The following LRBA variants were observed in gnomAD, a reference collection of about 807,000 sequenced individuals.
LRBA encodes the protein LPS responsive beige-like anchor protein.
LRBA carries 176 observed loss-of-function variants against 330.0 expected under a neutral mutation model. That is an observed-to-expected ratio of 0.53 (90% CI 0.47 to 0.60). LRBA has a LOEUF of 0.60. Among genes scored for constraint, LRBA ranks in the 20% least tolerant of loss-of-function variants. LRBA has a pLI of 0.00. For synonymous variants in LRBA, 1,230 were observed against 1,193.0 expected, an observed-to-expected ratio of 1.03 and a Z score of -0.64; for missense variants, 3,259 against 3,444.8, an observed-to-expected ratio of 0.95 and a Z score of 1.35.
chr4:150,829,290 G>A (rs1375912785), intron 29 of LRBA, among the ~76,000 whole-genome samples: 1 of 152,210 alleles, frequency 6.6e-6, no homozygotes, highest in Admixed American at 6.5e-5. Flanking sequence ...CATGGTTACT[G>A]CAGCTGGAAA....
chr4:150,965,803 C>CA (rs1204496896), intron 2 of LRBA, among the ~76,000 whole-genome samples: 1 of 151,732 alleles, frequency 6.6e-6, no homozygotes, highest in Non-Finnish European at 1.5e-5. Context: ...CTCGGCCTTG[C>CA]AAAGTGTTGA....
intron 34 of LRBA, among the ~76,000 whole-genome samples, chr4:150,773,991 T>C (rs959624524): frequency 6.6e-6 from 1 of 152,178 alleles, no homozygotes; most frequent in African/African-American, 2.4e-5. Context: ...CACAGGTCCC[T>C]TTGAAGAAGA....
At chr4:150,774,097 T>C (rs1052066743) in intron 34 of LRBA, among the ~76,000 whole-genome samples, 7 of 152,298 alleles carry the variant, frequency 4.6e-5, no homozygotes, top group African/African-American at 1.7e-4. Flanking sequence ...AGAAAAAGAC[T>C]CCATTTTATA....
Position 150,921,269 on chromosome 4 carries a change from A to G in LRBA, c.574T>C (p.Ser192Pro). Residue 192 changes from serine to proline, a missense_variant, in exon 5 of 57, where the codon TCT becomes CCT. Physicochemically the swap from Ser to Pro is moderately conservative, Grantham distance 74. Transcript: ENST00000651943. The stretch of plus-strand genomic sequence containing the variant: ...TTCTGAGGCATATGCTTTAACACAG[A>G]CAGCAACTTCCCAGCATGTGGAGGC... ...RWPPHAGKLL[S>P]VLKHMPQKYG... The G allele has an allele frequency of 6.2e-7, 1 of 1,612,102 alleles. No individual in the cohort carries two copies. The highest frequency in any genetic ancestry group is 8.5e-7 in the Non-Finnish European group (1 of 1,178,186).
chr4:150,810,622 GA>G (rs1743584002), intron 31 of LRBA, among the ~76,000 whole-genome samples: 1 of 152,070 alleles, frequency 6.6e-6, no homozygotes, highest in Admixed American at 6.6e-5. Flanking sequence ...CTTTTTTTGA[GA>G]GAGGGTCTTG....
intron 30 of LRBA, among the ~76,000 whole-genome samples, chr4:150,823,775 GATTT>G (rs1223798110): frequency 6.6e-6 from 1 of 151,958 alleles, no homozygotes; most frequent in South Asian, 2.1e-4. Flanking sequence ...TAGACGTGTG[GATTT>G]ATTTGAGTTC....
chr4:150,852,419 C>A lies in LRBA; in HGVS notation c.3291G>T (p.Leu1097Phe). ...EEDASEMPEF[L>F]DKSIVEEEED... is the part of the protein sequence containing the mutation. ...CCTCTTCCTCTACTATAGATTTATC[C>A]AAGAATTCTGGCATCTCTGAGGCAT... The change falls in exon 23 of 57, where the codon TTG becomes TTT. Residue 1097 changes from leucine to phenylalanine, a missense_variant. Physicochemically the swap from Leu to Phe is conservative, Grantham distance 22 (BLOSUM62 0). Transcript: ENST00000651943. 1 of 1,613,480 alleles carries A rather than the reference C, an allele frequency of 6.2e-7. No homozygotes were observed. Among genetic ancestry groups the A allele is most frequent in the Non-Finnish European group, 8.5e-7 (1 of 1,179,986 alleles).
chr4:150,845,620 G>T (rs1278692335), intron 26 of LRBA, among the ~76,000 whole-genome samples: 1 of 152,048 alleles, frequency 6.6e-6, no homozygotes, highest in African/African-American at 2.4e-5. Flanking sequence ...CAAACTTAAG[G>T]GGGGACTTCA....
intron 47 of LRBA, among the ~76,000 whole-genome samples, chr4:150,392,225 C>A (rs1321855518): frequency 2.0e-5 from 3 of 152,062 alleles, no homozygotes; most frequent in Non-Finnish European, 4.4e-5. Context: ...AACTGGGTAA[C>A]AAACAACAGG....
chr4:150,646,479 T>C (rs921742195), intron 37 of LRBA, among the ~76,000 whole-genome samples: 3 of 152,034 alleles, frequency 2.0e-5, no homozygotes, highest in African/African-American at 4.8e-5. Context: ...CACTGGCCAA[T>C]AGGCGGTTTT....
intron 48 of LRBA, among the ~76,000 whole-genome samples, chr4:150,342,916 C>T (rs1237453657): frequency 6.6e-6 from 1 of 152,064 alleles, no homozygotes; most frequent in Non-Finnish European, 1.5e-5. Flanking sequence ...CAAATCTATC[C>T]TTGTACCATG....
intron 54 of LRBA, among the ~76,000 whole-genome samples, chr4:150,284,258 T>A (rs1471048455): frequency 2.0e-5 from 3 of 152,156 alleles, no homozygotes; most frequent in Non-Finnish European, 4.4e-5. Flanking sequence ...CTAGGGAATA[T>A]TTCATGACAT....
At chr4:150,920,197 TA>T (rs943639611) in intron 5 of LRBA, among the ~76,000 whole-genome samples, 3 of 151,842 alleles carry the variant, frequency 2.0e-5, no homozygotes, top group Admixed American at 6.6e-5. Context: ...AGAACTAACA[TA>T]AAAAAAAGAA....
intron 37 of LRBA, among the ~76,000 whole-genome samples, chr4:150,665,218 T>C (rs1239971430): frequency 2.0e-5 from 3 of 152,026 alleles, no homozygotes; most frequent in Non-Finnish European, 4.4e-5. Context: ...GCTCCCAAGG[T>C]TTTCATTTGG....
At chr4:150,844,353 C>T in intron 27 of LRBA, 146 bp from the exon 28 acceptor site, 1 of 522,756 alleles carries the variant, frequency 1.9e-6, no homozygotes. Context: ...TGTATGCTTC[C>T]TTCTTCTTTG....
intron 37 of LRBA, among the ~76,000 whole-genome samples, chr4:150,627,752 T>C (rs898075494): frequency 6.6e-6 from 1 of 152,078 alleles, no homozygotes; most frequent in Non-Finnish European, 1.5e-5. Flanking sequence ...ATCATAAGAC[T>C]ACTTAATAGA....
intron 9 of LRBA, among the ~76,000 whole-genome samples, chr4:150,913,205 C>A (rs1378225172): frequency 6.6e-6 from 1 of 152,170 alleles, no homozygotes; most frequent in South Asian, 2.1e-4. Flanking sequence ...CAGTGGCTCA[C>A]GCCTGTAATC....
intron 47 of LRBA, among the ~76,000 whole-genome samples, chr4:150,401,711 T>G (rs905031933): frequency 6.6e-6 from 1 of 152,058 alleles, no homozygotes; most frequent in Admixed American, 6.6e-5. Flanking sequence ...TCAACATAAG[T>G]TTATAAAATG....
chr4:150,867,516 T>C (rs1023934942), intron 22 of LRBA, among the ~76,000 whole-genome samples, 155 bp downstream of exon 22: 13 of 152,216 alleles, frequency 8.5e-5, no homozygotes, highest in African/African-American at 2.4e-4. Context: ...GCTTTATTTC[T>C]ATTGATAATC....
Sources: allele counts gnomAD v4.1 joint callset (sites outside exome capture counted in the v4.1 genomes callset), GRCh38; gene constraint gnomAD v4.1.1; transcripts MANE v1.5; gene names NCBI Gene and HGNC (gene_info 2026-07-23, HGNC 2026-07-21).